The following L3MBTL3 variants were observed in gnomAD, a reference collection of about 807,000 sequenced individuals.
L3MBTL3 encodes lethal(3)malignant brain tumor-like protein 3.
L3MBTL3 carries 27 observed loss-of-function variants against 102.3 expected under a neutral mutation model. The ratio of observed to expected loss-of-function variants is 0.26; its 90% CI spans 0.19 to 0.36. The LOEUF is 0.36. L3MBTL3 is among the 10% of genes least tolerant of loss of function. The pLI is 1.00. For synonymous variants in L3MBTL3, 340 were observed against 320.9 expected (o/e 1.06, Z -0.64); for missense variants, 798 against 955.3 (o/e 0.84, Z 2.17).
intron 10 of L3MBTL3, among the ~76,000 whole-genome samples, chr6:130,060,773 C>T (rs1050675665): frequency 1.1e-4 from 16 of 151,510 alleles, no homozygotes; most frequent in Non-Finnish European, 1.5e-4. Flanking sequence ...GTCAATTATA[C>T]ATACATATAT....
intron 15 of L3MBTL3, among the ~76,000 whole-genome samples, chr6:130,085,480 C>T (rs1490602835): frequency 6.6e-6 from 1 of 152,066 alleles, no homozygotes. Flanking sequence ...GCCAGTACAC[C>T]TCCAAATAAT....
At chr6:130,106,935 G>A (rs1037585429) in intron 19 of L3MBTL3, among the ~76,000 whole-genome samples, 1 of 152,152 alleles carries the variant, frequency 6.6e-6, no homozygotes, top group Non-Finnish European at 1.5e-5. Context: ...CTTATGTTTT[G>A]AATTGTGTGT....
intron 7 of L3MBTL3, 77 bp downstream of exon 7, chr6:130,053,068 T>A (rs1781207890): frequency 1.8e-6 from 2 of 1,121,994 alleles, no homozygotes; most frequent in African/African-American, 3.0e-5. Flanking sequence ...AGCACTGCTC[T>A]GGAGCCCACT....
chr6:130,048,735 C>T (rs1780879098), intron 3 of L3MBTL3, among the ~76,000 whole-genome samples: 1 of 152,128 alleles, frequency 6.6e-6, no homozygotes, highest in Non-Finnish European at 1.5e-5. Context: ...TTATGTGGTT[C>T]AGGCTTCAGC....
chr6:130,104,663 A>T, intron 19 of L3MBTL3, 88 bp downstream of exon 19: 4 of 985,596 alleles, frequency 4.1e-6, no homozygotes, highest in Non-Finnish European at 5.6e-6. Context: ...TTCCTATAGC[A>T]ATGTTTTCTT....
intron 18 of L3MBTL3, 58 bp downstream of exon 18, chr6:130,094,425 A>G: frequency 3.6e-6 from 4 of 1,103,798 alleles, no homozygotes; most frequent in Non-Finnish European, 5.3e-6. Flanking sequence ...ACATGTATAT[A>G]TAATGAATTT....
intron 19 of L3MBTL3, among the ~76,000 whole-genome samples, chr6:130,109,990 C>T (rs1364522041): frequency 2.0e-5 from 3 of 152,052 alleles, no homozygotes; most frequent in South Asian, 2.1e-4. Flanking sequence ...TTAGGTTTGT[C>T]GAAGATTAGA....
At chr6:130,047,095 A>G (rs894875649) in intron 3 of L3MBTL3, among the ~76,000 whole-genome samples, 1 of 152,168 alleles carries the variant, frequency 6.6e-6, no homozygotes, top group Non-Finnish European at 1.5e-5. Flanking sequence ...TGATAAGAGC[A>G]GGTATTCTTT....
intron 18 of L3MBTL3, 57 bp from the exon 19 acceptor site, chr6:130,104,369 A>C: frequency 8.0e-7 from 1 of 1,242,466 alleles, no homozygotes; most frequent in Non-Finnish European, 1.1e-6. Context: ...TGGAAGAAGT[A>C]TGGCCTAATG....
intron 22 of L3MBTL3, 125 bp downstream of exon 22, chr6:130,134,030 T>G (rs1176735942): frequency 1.4e-6 from 1 of 706,568 alleles, no homozygotes; most frequent in Admixed American, 2.2e-5. Flanking sequence ...ATTGACAAAT[T>G]GATGTATACT....
intron 10 of L3MBTL3, among the ~76,000 whole-genome samples, chr6:130,063,053 T>C (rs930330702): frequency 1.3e-5 from 2 of 151,470 alleles, no homozygotes; most frequent in Non-Finnish European, 2.9e-5. Context: ...AACATAGTAT[T>C]TGAATTCTGA....
At chr6:130,033,941 A>G (rs1447901979) in intron 2 of L3MBTL3, among the ~76,000 whole-genome samples, 1 of 152,184 alleles carries the variant, frequency 6.6e-6, no homozygotes, top group East Asian at 1.9e-4. Flanking sequence ...AGTAATCCAA[A>G]TTTCTTCCCT....
chr6:130,093,954 T>C (rs1245397414), intron 17 of L3MBTL3, among the ~76,000 whole-genome samples: 2 of 152,240 alleles, frequency 1.3e-5, no homozygotes, highest in Non-Finnish European at 2.9e-5. Flanking sequence ...TGTTTGACTC[T>C]TCTTGTTAAT....
intron 19 of L3MBTL3, among the ~76,000 whole-genome samples, chr6:130,118,562 G>A (rs573094325): frequency 9.2e-5 from 14 of 152,292 alleles, no homozygotes; most frequent in African/African-American, 3.1e-4. Flanking sequence ...AACCTCAGGG[G>A]TATAGGCGCT....
intron 19 of L3MBTL3, among the ~76,000 whole-genome samples, chr6:130,109,292 A>G (rs369660014): frequency 1.3e-5 from 2 of 152,218 alleles, no homozygotes; most frequent in East Asian, 1.9e-4. Context: ...AGTGTCTTCT[A>G]TAATGATTGA....
At chr6:130,055,298 T>C (rs1268340734) in intron 8 of L3MBTL3, 43 bp downstream of exon 8, 4 of 1,472,370 alleles carry the variant, frequency 2.7e-6, no homozygotes, top group Non-Finnish European at 3.7e-6. Flanking sequence ...CTTTATGAAA[T>C]TGGAAATGGT....
intron 3 of L3MBTL3, among the ~76,000 whole-genome samples, chr6:130,045,772 A>G (rs902994642): frequency 3.3e-5 from 5 of 152,184 alleles, no homozygotes; most frequent in Admixed American, 6.5e-5. Flanking sequence ...AGGTGCCTGG[A>G]AATATGTAGG....
At chr6:130,081,631 T>C (rs1783359452) in intron 14 of L3MBTL3, among the ~76,000 whole-genome samples, 1 of 151,962 alleles carries the variant, frequency 6.6e-6, no homozygotes. Flanking sequence ...TTCACCATGT[T>C]AGCCAGGATG....
intron 19 of L3MBTL3, among the ~76,000 whole-genome samples, chr6:130,112,512 CTGT>C (rs956824471): frequency 6.6e-6 from 1 of 152,290 alleles, no homozygotes; most frequent in East Asian, 1.9e-4. Context: ...ATGTCCCAAA[CTGT>C]TGTTGTTTAG....
Sources: allele counts gnomAD v4.1 joint callset (sites outside exome capture counted in the v4.1 genomes callset), GRCh38; gene constraint gnomAD v4.1.1; transcripts MANE v1.5; gene names NCBI Gene and HGNC (gene_info 2026-07-23, HGNC 2026-07-21).